Variants in ALKBH6 observed in about 807,000 individuals in gnomAD.
ALKBH6 encodes probable RNA/DNA demethylase ALKBH6.
ALKBH6 carries 20 observed loss-of-function variants against 25.1 expected under a neutral mutation model. The observed-to-expected ratio is 0.80, with a 90% CI of 0.56 to 1.16. The LOEUF (loss-of-function observed/expected upper bound fraction) is 1.16, where lower values mean the gene tolerates loss of function less well. Ranked by LOEUF, ALKBH6 falls within the 50% of genes most tolerant of loss-of-function variation. The probability of loss-of-function intolerance (pLI) is 0.00; values close to 1 mark genes in which losing one functional copy is unlikely to be tolerated. For missense variants in ALKBH6, 263 were observed against 326.5 expected, an observed-to-expected ratio of 0.81 and a Z score of 1.50; for synonymous variants, 156 against 147.5, an observed-to-expected ratio of 1.06 and a Z score of -0.42.
Position 36,009,471 on chromosome 19 carries a change from C to T in ALKBH6, c.536G>A (p.Arg179His). 2.4e-6 allele frequency: 3 copies of T among 1,247,772 alleles called. No homozygotes were observed. Among genetic ancestry groups the T allele is most frequent in the Non-Finnish European group, 3.0e-6 (3 of 997,918 alleles). The allele number at this position is 1,247,772 out of a possible 1,614,324, so 77.3% of individuals were successfully genotyped here. A position where few individuals can be genotyped will look rare whatever the true frequency, so the allele number is the denominator to read the frequency against. Reference protein sequence around the residue: ...LLVLRGPAYTRLLHGIAAARV... With the variant: ...LLVLRGPAYTHLLHGIAAARV... ...GGCGGCGGCGATGCCGTGGAGAAGACGCGTGTAGGCGGGGCCGCGGAGCAC... is the reference window on the plus strand; with the variant it reads ...GGCGGCGGCGATGCCGTGGAGAAGATGCGTGTAGGCGGGGCCGCGGAGCAC... The change falls in exon 7 of 7, where the codon CGT becomes CAT. Residue 179 changes from arginine to histidine, a missense_variant. Around this residue, in one of 3 missense-constraint regions of ALKBH6, gnomAD observed 148 missense variants for 157.5 expected, o/e 0.94. Coordinates refer to ENST00000378875, the MANE Select transcript of ALKBH6 (RefSeq NM_032878.5).
In ALKBH6 at chr19:36,011,053, A is replaced by C. The variant is rs372630308; in HGVS notation, c.185-8T>G. 3.1e-6 allele frequency: 5 copies of C among 1,596,740 alleles called. No individual in the cohort carries two copies. Among genetic ancestry groups the C allele is most frequent in the African/African-American group, 1.3e-5 (1 of 74,522 alleles). On this transcript the variant is annotated splice_polypyrimidine_tract_variant and splice_region_variant and intron_variant, in intron 4 of 6. Coordinates refer to ENST00000378875, the MANE Select transcript of ALKBH6 (RefSeq NM_032878.5). ...GGGGATGAGGAAGCCCACCTGGGGA[A>C]GGCAATGGGGTCCTGAGGGCCCCCC...
chr19:36,009,603 GGT>G, intron 6 of ALKBH6, 50 bp from the exon 7 acceptor site: 5 of 1,137,604 alleles, frequency 4.4e-6, no homozygotes, highest in East Asian at 6.7e-5. Flanking sequence ...GGGGGGTGGG[GGT>G]GGGCGAGAGG....
chr19:36,010,607 T>C lies in ALKBH6; in HGVS notation c.413A>G (p.Tyr138Cys), dbSNP rs149260531. 1.4e-4 allele frequency: 231 copies of C among 1,613,942 alleles called. No individual in the cohort carries two copies. In the African/African-American group the frequency reaches 2.9e-3, roughly 20 times the overall value. ...ATCGTCCTCTGGCCGCCGCGGCTCG[T>C]AGAAGTCCAGCACGGTGTGGGAGCC... is the stretch of plus-strand genomic sequence containing the variant. ...SLGSHTVLDF[Y>C]EPRRPEDDDP... is the part of the protein sequence containing the mutation. The change falls in exon 6 of 7, where the codon TAC becomes TGC. Residue 138 changes from tyrosine to cysteine, a missense_variant. Coordinates refer to ENST00000378875, the MANE Select transcript of ALKBH6 (RefSeq NM_032878.5). The surrounding 1 kb of genome is among the most constrained non-coding windows in gnomAD (Gnocchi z 5.5).
intron 3 of ALKBH6, 177 bp from the exon 4 acceptor site, chr19:36,011,641 C>T (rs546971152): frequency 1.3e-5 from 8 of 629,240 alleles, no homozygotes; most frequent in East Asian, 5.8e-5. Context: ...TTCCTGGGAA[C>T]GCCTTTGGCC....
intron 1 of ALKBH6, 109 bp downstream of exon 1, chr19:36,014,066 A>G (rs1968709012): frequency 1.3e-6 from 2 of 1,552,448 alleles, no homozygotes; most frequent in Non-Finnish European, 8.7e-7. Context: ...CGAGCCTTTT[A>G]GGACTCCAAG....
In ALKBH6 at chr19:36,012,686, T is replaced by C. The variant is rs151024938; in HGVS notation, c.123+335A>G. On this transcript the variant is annotated intron_variant, in intron 3 of 6. Transcript: ENST00000378875. Reference sequence around the variant, plus strand: ...GCCATCTCAGCGTAGATGGTCTGTATTTGGTAACCTTATTGTGCTCTGGGT... The same window carrying C: ...GCCATCTCAGCGTAGATGGTCTGTACTTGGTAACCTTATTGTGCTCTGGGT... 2,374 of 263,382 alleles carry C rather than the reference T, an allele frequency of 9.0e-3. 17 individuals are homozygous for C. Among genetic ancestry groups the C allele is most frequent in the Non-Finnish European group, 0.014 (1,917 of 134,642 alleles). The allele number at this position is 263,382 out of a possible 1,614,324, so 16.3% of individuals were successfully genotyped here.
Position 36,013,192 on chromosome 19 carries a change from C to T in ALKBH6, c.55-103G>A. The T allele has an allele frequency of 6.9e-7, 1 of 1,440,734 alleles. No homozygotes were observed. The highest frequency in any genetic ancestry group is 9.7e-7 in the Non-Finnish European group (1 of 1,028,248). The allele number at this position is 1,440,734 out of a possible 1,614,324, so 89.2% of individuals were successfully genotyped here. A position where few individuals can be genotyped will look rare whatever the true frequency, so the allele number is the denominator to read the frequency against. On this transcript the variant is annotated intron_variant, in intron 2 of 6. Coordinates refer to ENST00000378875, the MANE Select transcript of ALKBH6 (RefSeq NM_032878.5). The surrounding 1 kb of genome is among the most constrained non-coding windows in gnomAD (Gnocchi z 4.6). ...CCTGGAGACAGGCTCAGGATGTCCT[C>T]AGACAGGTCAGGGTCTAAAGTCAAG...
chr19:36,010,639 G>A lies in ALKBH6; in HGVS notation c.381C>T (p.Ile127=), dbSNP rs1411255517. Residue 127 remains isoleucine (I), a synonymous_variant, in exon 6 of 7, where the codon ATC becomes ATT. Coordinates refer to ENST00000378875, the MANE Select transcript of ALKBH6 (RefSeq NM_032878.5). The surrounding 1 kb of genome is among the most constrained non-coding windows in gnomAD (Gnocchi z 5.5). ...CCAGCACGGTGTGGGAGCCCAGGCT[G>A]ATGGTGCTGACAGTCGGGTAGTACA... ...GPLYYPTVST[I]SLGSHTVLDF... 2 of 1,614,030 alleles carry A rather than the reference G, an allele frequency of 1.2e-6. No individual in the cohort carries two copies. The highest frequency in any genetic ancestry group is 3.3e-5 in the Admixed American group (2 of 60,006).
Position 36,009,327 on chromosome 19 carries a change from G to A in ALKBH6, c.680C>T (p.Pro227Leu), listed in dbSNP as rs1179569033. 3 of 1,355,596 alleles carry A rather than the reference G, an allele frequency of 2.2e-6. No homozygotes were observed. The highest frequency in any genetic ancestry group is 3.0e-5 in the African/African-American group (2 of 65,966). 84.0% of individuals were successfully genotyped at this position (1,355,596 alleles called of 1,614,324 possible). The part of the protein sequence containing the change: ...TRVSLTIRRV[P>L]RVLRAGLLLG... Reference sequence around the variant, plus strand: ...CAGGAGGCCGGCGCGCAGCACGCGGGGCACGCGGCGGATGGTCAGCGAGAC... The same window carrying A: ...CAGGAGGCCGGCGCGCAGCACGCGGAGCACGCGGCGGATGGTCAGCGAGAC... Residue 227 changes from proline to leucine, a missense_variant, in exon 7 of 7, where the codon CCC becomes CTC. Physicochemically the swap from Pro to Leu is moderately conservative, Grantham distance 98. Coordinates refer to ENST00000378875, the MANE Select transcript of ALKBH6 (RefSeq NM_032878.5).
At chr19:36,009,857 G>C (rs1968543330) in intron 6 of ALKBH6, among the ~76,000 whole-genome samples, 1 of 152,110 alleles carries the variant, frequency 6.6e-6, no homozygotes, top group Admixed American at 6.5e-5. Context: ...AAGGGGCTGA[G>C]GCTGGGGCTG....
rs1968610563 is a variant in ALKBH6 at position 36,011,476 on chromosome 19, G to A, written c.124-12C>T. 1 of 1,613,620 alleles carries A rather than the reference G, an allele frequency of 6.2e-7. No homozygotes were observed. Among genetic ancestry groups the A allele is most frequent in the South Asian group, 1.1e-5 (1 of 91,046 alleles). On this transcript the variant is annotated splice_polypyrimidine_tract_variant and intron_variant, in intron 3 of 6. Transcript: ENST00000378875. ...GGGGCATTAAAAACCTAAGAGGTGGGAAGGGGGTCACTCCTTTCTCAGGAT... is the reference window on the plus strand; with the variant it reads ...GGGGCATTAAAAACCTAAGAGGTGGAAAGGGGGTCACTCCTTTCTCAGGAT...
rs1293952125 is a variant in ALKBH6 at position 36,013,347 on chromosome 19, C to T, written c.51G>A (p.Glu17=). 2 of 1,613,968 alleles carry T rather than the reference C, an allele frequency of 1.2e-6. No homozygotes were observed. Among genetic ancestry groups the T allele is most frequent in the Non-Finnish European group, 1.7e-6 (2 of 1,179,938 alleles). ...CTGCACCCTGAGTTCTGACAACCTG[C>T]TCCACTCTGAACGGTTCCAGGGCTG... ...RVPALEPFRV[E]QAPPVIYYVP... is the part of the protein sequence containing the mutation. The change falls in exon 2 of 7, where the codon GAG becomes GAA. Residue 17 remains glutamate (E), a synonymous_variant. Coordinates refer to ENST00000378875, the MANE Select transcript of ALKBH6 (RefSeq NM_032878.5). This position sits in a 1 kb window ranked among gnomAD's most constrained non-coding sequence, Gnocchi z 4.6.
In ALKBH6 at chr19:36,010,526, G is replaced by A. The variant is rs973806119; in HGVS notation, c.453+41C>T. On this transcript the variant is annotated intron_variant, in intron 6 of 6. Transcript: ENST00000378875. This position sits in a 1 kb window ranked among gnomAD's most constrained non-coding sequence, Gnocchi z 5.5. Reference sequence around the variant, plus strand: ...GTCATCTTGGAGGATGTGCGAGGTTGAAGTGCCTACAAGCAGCTGGGGCAG... The same window carrying A: ...GTCATCTTGGAGGATGTGCGAGGTTAAAGTGCCTACAAGCAGCTGGGGCAG... 1.9e-6 allele frequency: 3 copies of A among 1,551,394 alleles called. No homozygotes were observed. The highest frequency in any genetic ancestry group is 2.7e-6 in the Non-Finnish European group (3 of 1,126,296).
chr19:36,012,902 T>G, intron 3 of ALKBH6, 119 bp downstream of exon 3: 1 of 983,168 alleles, frequency 1.0e-6, no homozygotes, highest in Non-Finnish European at 1.6e-6. Flanking sequence ...GCTCTGTAAC[T>G]TCCTTGTTCC....
rs1313995829 is a variant in ALKBH6, at chr19:36,013,482, A to G, written c.-25-60T>C. On this transcript the variant is annotated intron_variant, in intron 1 of 6. Coordinates refer to ENST00000378875, the MANE Select transcript of ALKBH6 (RefSeq NM_032878.5). The surrounding 1 kb of genome is among the most constrained non-coding windows in gnomAD (Gnocchi z 4.6). ...GCCTCCCGCCCTAACACCATGATGC[A>G]GCATTCCACCCCATCACAGGCCAGG... 3 of 1,604,746 alleles carry G rather than the reference A, an allele frequency of 1.9e-6. No individual in the cohort carries two copies. Among genetic ancestry groups the G allele is most frequent in the African/African-American group, 2.7e-5 (2 of 74,804 alleles).
intron 3 of ALKBH6, chr19:36,012,133 C>G (rs1442374380): frequency 6.6e-6 from 1 of 152,322 alleles, no homozygotes; most frequent in African/African-American, 2.4e-5. Context: ...GCAGTCCAGC[C>G]TGGGCGACAG....
rs1164737728 is a variant in ALKBH6, at chr19:36,013,845, C to T, written c.-26+330G>A. ...GGCTATCAACACTCAGCGACCCCCG[C>T]CCCCCACCGAATCCCATTCTGTGCA... On this transcript the variant is annotated intron_variant, in intron 1 of 6. Coordinates refer to ENST00000378875, the MANE Select transcript of ALKBH6 (RefSeq NM_032878.5). This position sits in a 1 kb window ranked among gnomAD's most constrained non-coding sequence, Gnocchi z 4.6. 9.2e-6 allele frequency: 12 copies of T among 1,303,094 alleles called. No homozygotes were observed. Among genetic ancestry groups the T allele is most frequent in the Non-Finnish European group, 1.2e-5 (12 of 1,027,368 alleles). 80.7% of individuals were successfully genotyped at this position (1,303,094 alleles called of 1,614,324 possible).
Position 36,013,840 on chromosome 19 carries a change from C to A in ALKBH6, c.-26+335G>T. ...AGCCCGGCTATCAACACTCAGCGAC[C>A]CCCGCCCCCCACCGAATCCCATTCT... On this transcript the variant is annotated intron_variant, in intron 1 of 6. Transcript: ENST00000378875. The surrounding 1 kb of genome is among the most constrained non-coding windows in gnomAD (Gnocchi z 4.6). 7.7e-7 allele frequency: 1 copy of A among 1,302,524 alleles called. No homozygotes were observed. 80.7% of individuals were successfully genotyped at this position (1,302,524 alleles called of 1,614,324 possible). A position where few individuals can be genotyped will look rare whatever the true frequency, so the allele number is the denominator to read the frequency against.
chr19:36,009,643 C>T, intron 6 of ALKBH6, 90 bp from the exon 7 acceptor site: 1 of 963,062 alleles, frequency 1.0e-6, no homozygotes, highest in Middle Eastern at 3.4e-4. Flanking sequence ...TCAGCTAGTC[C>T]CCAGGGGCAA....
Sources: gnomAD v4.1 joint callset for allele counts (sites outside exome capture counted in the v4.1 genomes callset) on GRCh38, gnomAD v4.1.1 for gene constraint, gnomAD v4.1.1 regional missense constraint, Gnocchi (gnomAD v3.1) non-coding constraint, MANE v1.5 for transcripts, NCBI Gene and HGNC (gene_info 2026-07-23, HGNC 2026-07-21) for gene names.